The following DOCK4 variants were observed in gnomAD, a reference collection of about 807,000 sequenced individuals.
DOCK4 encodes the protein dedicator of cytokinesis 4.
DOCK4 carries 97 observed loss-of-function variants against 268.1 expected under a neutral mutation model. The ratio of observed to expected loss-of-function variants is 0.36; its 90% confidence interval spans 0.31 to 0.43. DOCK4 has a LOEUF of 0.43. DOCK4 is among the 20% of genes least tolerant of loss of function. DOCK4 has a pLI of 1.00. For synonymous variants in DOCK4, 954 were observed against 887.2 expected (o/e 1.08, Z -1.34); for missense variants, 2,145 against 2,455.7 (o/e 0.87, Z 2.67).
intron 41 of DOCK4, among the ~76,000 whole-genome samples, chr7:111,757,081 G>T (rs942197242): frequency 6.6e-6 from 1 of 152,074 alleles, no homozygotes; most frequent in African/African-American, 2.4e-5. Flanking sequence ...TTGCGAAAGG[G>T]CTTGGCGGGA....
intron 1 of DOCK4, among the ~76,000 whole-genome samples, chr7:112,145,703 A>G (rs1038131299): frequency 1.3e-5 from 2 of 152,120 alleles, no homozygotes; most frequent in Non-Finnish European, 2.9e-5. Flanking sequence ...TCCACTAGAC[A>G]TACATGCACA....
At position 112,114,424 on chromosome 7, in the gene DOCK4, G is replaced by A. The variant is rs1811940656; in HGVS notation, c.37+91678C>T. Among the ~76,000 whole-genome samples the A allele has an allele frequency of 2.0e-5, 3 of 152,186 alleles. No individual in the cohort carries two copies. In the South Asian group the frequency reaches 6.2e-4, roughly 32 times the overall value. On this transcript the variant is annotated intron_variant, in intron 1 of 52. Coordinates refer to ENST00000428084, the MANE Select transcript of DOCK4 (RefSeq NM_001363540.2). The stretch of plus-strand genomic sequence containing the variant: ...TCATTGGCAATAAATGTTGTCAACT[G>A]TTTACCTTGAAGTGACAGGCTCTTG...
chr7:111,950,217 G>A (rs372618454), intron 8 of DOCK4, among the ~76,000 whole-genome samples: 18 of 152,268 alleles, frequency 1.2e-4, no homozygotes, highest in East Asian at 3.9e-4. Flanking sequence ...ATAAGCCACC[G>A]TGCCTGGCCA....
At chr7:111,919,505 A>G (rs2134566779) in intron 12 of DOCK4, among the ~76,000 whole-genome samples, 1 of 152,310 alleles carries the variant, frequency 6.6e-6, no homozygotes, top group Middle Eastern at 3.4e-3. Flanking sequence ...TCAGAGTTGG[A>G]TGCATACTAA....
chr7:111,762,762 C>CTTTTTTTTGTTTTTTTTT (rs1797508221), intron 39 of DOCK4, among the ~76,000 whole-genome samples: 1 of 63,068 alleles, frequency 1.6e-5, no homozygotes, highest in Non-Finnish European at 3.0e-5. Flanking sequence ...GTTTTGTTTT[C>CTTTTTTTTGTTTTTTTTT]TTTTTTTTTT....
intron 32 of DOCK4, 115 bp downstream of exon 32, chr7:111,788,547 C>G: frequency 1.2e-6 from 1 of 804,150 alleles, no homozygotes; most frequent in Non-Finnish European, 2.1e-6. Flanking sequence ...AGACAAAGCC[C>G]TCCTGTGAGA....
chr7:111,742,113 C>A lies in DOCK4; in HGVS notation c.4697G>T (p.Gly1566Val). The A allele has an allele frequency of 6.3e-7, 1 of 1,595,464 alleles. No homozygotes were observed. Among genetic ancestry groups the A allele is most frequent in the Non-Finnish European group, 8.5e-7 (1 of 1,173,088 alleles). ...MLEQAQILEF[G>V]LAVHEKFVPQ... ...TACAAACTTCTCATGCACGGCCAAA[C>A]CAAATTCCAGAATCTGTGCCTTAAT... The change falls in exon 45 of 53, where the codon GGT becomes GTT. Residue 1566 changes from glycine to valine, a missense_variant. Gly to Val is a moderately radical substitution (Grantham distance 109). Around this residue, in one of 2 missense-constraint regions of DOCK4, gnomAD observed 1,598 missense variants for 1,986.7 expected, o/e 0.80. Transcript: ENST00000428084.
chr7:111,869,742 G>A, intron 20 of DOCK4, 87 bp from the exon 21 acceptor site: 6 of 1,117,036 alleles, frequency 5.4e-6, no homozygotes, highest in Non-Finnish European at 8.0e-6. Context: ...ACTATATCAT[G>A]AGGAGGTTTC....
chr7:111,944,301 A>C (rs1795440660), intron 10 of DOCK4, among the ~76,000 whole-genome samples: 1 of 152,138 alleles, frequency 6.6e-6, no homozygotes, highest in Admixed American at 6.5e-5. Flanking sequence ...GACTTCTCAG[A>C]CCCTTTAATA....
chr7:111,819,805 C>T (rs1307670720), intron 27 of DOCK4: 3 of 152,160 alleles, frequency 2.0e-5, no homozygotes, highest in African/African-American at 7.2e-5. Context: ...AAGCACACGA[C>T]TGGGTTAATA....
intron 44 of DOCK4, among the ~76,000 whole-genome samples, chr7:111,745,588 G>C (rs1190604215): frequency 1.3e-5 from 2 of 150,054 alleles, no homozygotes; most frequent in Admixed American, 6.7e-5. Flanking sequence ...GGAGGCTGAG[G>C]CAGGAGAATG....
At chr7:112,038,125 C>A (rs1036198972) in intron 1 of DOCK4, among the ~76,000 whole-genome samples, 1 of 152,188 alleles carries the variant, frequency 6.6e-6, no homozygotes. Flanking sequence ...ATCCTTCTAT[C>A]CGTATATTTG....
At chr7:111,752,441 A>G (rs1380464437) in intron 42 of DOCK4, among the ~76,000 whole-genome samples, 2 of 152,114 alleles carry the variant, frequency 1.3e-5, no homozygotes, top group African/African-American at 4.8e-5. Context: ...GTATTTAGAA[A>G]GAGGCACATT....
intron 1 of DOCK4, among the ~76,000 whole-genome samples, chr7:112,026,488 G>A (rs1320913309): frequency 1.3e-5 from 2 of 152,152 alleles, no homozygotes; most frequent in Non-Finnish European, 2.9e-5. Context: ...CCCTAAAAGA[G>A]GGCCAACAAA....
chr7:111,855,966 C>G (rs1280950856), intron 23 of DOCK4, among the ~76,000 whole-genome samples: 1 of 152,164 alleles, frequency 6.6e-6, no homozygotes, highest in African/African-American at 2.4e-5. Flanking sequence ...TTTCTGTCTT[C>G]AGGTTTAAAC....
At chr7:112,008,839 C>T (rs1801063515) in intron 1 of DOCK4, among the ~76,000 whole-genome samples, 1 of 152,116 alleles carries the variant, frequency 6.6e-6, no homozygotes, top group Admixed American at 6.5e-5. Flanking sequence ...ACTAAAAATA[C>T]AAAAAGTAGC....
chr7:112,100,938 ACT>A (rs779979576), intron 1 of DOCK4, among the ~76,000 whole-genome samples: 2 of 152,280 alleles, frequency 1.3e-5, no homozygotes, highest in Admixed American at 6.5e-5. Flanking sequence ...TATATTCCAA[ACT>A]CTGAGCTTTG....
chr7:111,932,508 T>C (rs2134681511), intron 12 of DOCK4, among the ~76,000 whole-genome samples: 2 of 152,152 alleles, frequency 1.3e-5, no homozygotes, highest in South Asian at 4.1e-4. Flanking sequence ...CCATAAGAAC[T>C]TAAAAAAATG....
chr7:111,769,646 C>T lies in DOCK4; in HGVS notation c.3711G>A (p.Glu1237=). ...EAAYTLLLYD[E]LLEWSDRPLR... Reference sequence around the variant, plus strand: ...GGGGCCGATCAGACCATTCCAGTAGCTCGTCATATAAGAGGAGGGTATATG... The same window carrying T: ...GGGGCCGATCAGACCATTCCAGTAGTTCGTCATATAAGAGGAGGGTATATG... Residue 1237 remains glutamate (E), a synonymous_variant, in exon 37 of 53, where the codon GAG becomes GAA. Coordinates refer to ENST00000428084, the MANE Select transcript of DOCK4 (RefSeq NM_001363540.2). The T allele has an allele frequency of 3.7e-6, 6 of 1,613,740 alleles. No individual in the cohort carries two copies. Among genetic ancestry groups the T allele is most frequent in the Middle Eastern group, 3.3e-4 (2 of 6,062 alleles).
Sources: allele counts gnomAD v4.1 joint callset (sites outside exome capture counted in the v4.1 genomes callset), GRCh38; gene constraint gnomAD v4.1.1; regional missense constraint gnomAD v4.1.1; transcripts MANE v1.5; gene names NCBI Gene and HGNC (gene_info 2026-07-23, HGNC 2026-07-21).